Variants in SMPX observed in about 807,000 individuals in gnomAD.
The protein encoded by SMPX is small muscular protein.
A neutral mutation model predicts 6.3 loss-of-function variants in SMPX; 2 were observed. The ratio of observed to expected loss-of-function variants is 0.32; its 90% CI spans 0.13 to 0.99. The LOEUF (loss-of-function observed/expected upper bound fraction) is 0.99. Among genes scored for constraint, SMPX ranks in the 50% least tolerant of loss-of-function variants. The pLI, the probability that SMPX is intolerant of heterozygous loss-of-function variation, is 0.49. For synonymous variants in SMPX, 32 were observed against 24.7 expected (o/e 1.30, Z -0.88); for missense variants, 60 against 66.8 (o/e 0.90, Z 0.36).
At chrX:21,735,188 C>T (rs1055929601) in intron 4 of SMPX, among the ~76,000 whole-genome samples, 1 of 111,998 alleles carries the variant, frequency 8.9e-6, no homozygotes. Context: ...AAGAAATGTT[C>T]TCCTTCTGCG....
intron 4 of SMPX, among the ~76,000 whole-genome samples, chrX:21,707,694 G>T (rs1463597025): frequency 8.9e-6 from 1 of 112,445 alleles, no homozygotes; most frequent in Non-Finnish European, 1.9e-5. Context: ...GCCTCAAAAG[G>T]TATCACGTTT....
At chrX:21,713,948 A>G (rs1319335386) in intron 4 of SMPX, among the ~76,000 whole-genome samples, 1 of 112,484 alleles carries the variant, frequency 8.9e-6, no homozygotes, top group Admixed American at 9.4e-5. Context: ...TACTTTATAT[A>G]GAGTAAAATG....
At chrX:21,733,098 A>C (rs752192527) in intron 4 of SMPX, among the ~76,000 whole-genome samples, 23 of 111,148 alleles carry the variant, frequency 2.1e-4, no homozygotes, top group Admixed American at 2.9e-4. Context: ...ATAAGGGCAC[A>C]CCTCCCCCAA....
At chrX:21,711,285 G>A (rs2092778439) in intron 4 of SMPX, among the ~76,000 whole-genome samples, 2 of 111,775 alleles carry the variant, frequency 1.8e-5, no homozygotes, top group African/African-American at 6.5e-5. Flanking sequence ...ACTCTGTAAA[G>A]CACTCTTGTT....
At chrX:21,735,900 C>T (rs1478644290) in intron 4 of SMPX, among the ~76,000 whole-genome samples, 1 of 111,337 alleles carries the variant, frequency 9.0e-6, no homozygotes, top group Non-Finnish European at 1.9e-5. Flanking sequence ...GAGTGTGATA[C>T]TCAGTCATCA....
chrX:21,709,252 T>G (rs2147369756), intron 4 of SMPX, among the ~76,000 whole-genome samples: 1 of 111,868 alleles, frequency 8.9e-6, no homozygotes, highest in East Asian at 2.8e-4. Context: ...TATCCTATAT[T>G]CTGAGTTCAC....
chrX:21,721,195 A>G (rs1346492167), intron 4 of SMPX, among the ~76,000 whole-genome samples: 1 of 111,910 alleles, frequency 8.9e-6, no homozygotes, highest in Non-Finnish European at 1.9e-5. Context: ...ATATGACTCT[A>G]TATATTGCTG....
At chrX:21,718,409 A>C (rs2092787704) in intron 4 of SMPX, among the ~76,000 whole-genome samples, 1 of 112,276 alleles carries the variant, frequency 8.9e-6, no homozygotes, top group African/African-American at 3.2e-5. Context: ...GGGGCTCCTC[A>C]CTGAAGCATT....
intron 4 of SMPX, among the ~76,000 whole-genome samples, chrX:21,714,682 C>T (rs1485092984): frequency 8.9e-6 from 1 of 112,112 alleles, no homozygotes; most frequent in Admixed American, 9.4e-5. Flanking sequence ...GTCTTTTTCA[C>T]GATCACTTTC....
At chrX:21,715,310 A>ACGCG (rs747497147) in intron 4 of SMPX, among the ~76,000 whole-genome samples, 2,094 of 87,293 alleles carry the variant, frequency 0.024, 61 homozygotes, top group African/African-American at 0.092. Flanking sequence ...GTGTGCGCGC[A>ACGCG]CGCGCGCGCG....
At chrX:21,740,266 A>G (rs1475032252) in intron 3 of SMPX, among the ~76,000 whole-genome samples, 1 of 112,161 alleles carries the variant, frequency 8.9e-6, no homozygotes, top group Non-Finnish European at 1.9e-5. Context: ...AGGGTTCCAG[A>G]TGGCCCCATT....
At chrX:21,715,884 T>G (rs1448643225) in intron 4 of SMPX, among the ~76,000 whole-genome samples, 3 of 110,694 alleles carry the variant, frequency 2.7e-5, no homozygotes, top group African/African-American at 9.9e-5. Context: ...AGTAACAGAG[T>G]TGCCTGGCCC....
chrX:21,712,706 G>C (rs942642162), intron 4 of SMPX, among the ~76,000 whole-genome samples: 13 of 111,923 alleles, frequency 1.2e-4, no homozygotes, highest in Non-Finnish European at 2.3e-4. Context: ...TCCCTACCAA[G>C]GCAGAGTTCA....
At chrX:21,718,609 T>G (rs756719989) in intron 4 of SMPX, among the ~76,000 whole-genome samples, 1 of 112,461 alleles carries the variant, frequency 8.9e-6, no homozygotes, top group South Asian at 3.7e-4. Flanking sequence ...AATTTGAGCT[T>G]AAATAAAGCA....
intron 2 of SMPX, among the ~76,000 whole-genome samples, chrX:21,744,483 T>G (rs1362313197): frequency 8.9e-6 from 1 of 111,909 alleles, no homozygotes; most frequent in East Asian, 2.8e-4. Context: ...AATACTAATC[T>G]CCATCAGTGG....
chrX:21,745,478 C>T (rs1253673924), intron 2 of SMPX, among the ~76,000 whole-genome samples: 1 of 111,773 alleles, frequency 8.9e-6, no homozygotes, highest in African/African-American at 3.3e-5. Flanking sequence ...TTAGTTGGCA[C>T]ATTTGCTTTA....
intron 4 of SMPX, among the ~76,000 whole-genome samples, chrX:21,713,584 C>T (rs1308186627): frequency 1.8e-5 from 2 of 111,410 alleles, no homozygotes; most frequent in African/African-American, 6.5e-5. Flanking sequence ...GGGGAACTCC[C>T]CTTTATCAAA....
chrX:21,708,372 A>T (rs1375483571), intron 4 of SMPX, among the ~76,000 whole-genome samples: 1 of 112,512 alleles, frequency 8.9e-6, no homozygotes, highest in African/African-American at 3.2e-5. Flanking sequence ...AGTATATAGC[A>T]GAGATCTCTC....
In SMPX at chrX:21,743,790, T is replaced by A. The variant is rs761534067; in HGVS notation, c.92A>T (p.Gln31Leu). 1 of 1,210,434 alleles carries A rather than the reference T, an allele frequency of 8.3e-7. No homozygotes were observed. Among genetic ancestry groups the A allele is most frequent in the South Asian group, 1.8e-5 (1 of 56,931 alleles). ...AGTACATTCTTTTCTTCTGGGGGGT[T>A]GACCTGCTCCTGGCCGAAAGGCTCC... ...PMGAFRPGAG[Q>L]PPRRKECTPE... is the part of the protein sequence containing the mutation. The change falls in exon 3 of 5, where the codon CAA (glutamine) becomes CTA (leucine). Residue 31 changes from glutamine to leucine, a missense_variant. Physicochemically the swap from Gln to Leu is moderately radical, Grantham distance 113 (BLOSUM62 -2). Transcript: ENST00000379494.
Sources: allele counts gnomAD v4.1 joint callset (sites outside exome capture counted in the v4.1 genomes callset), GRCh38; gene constraint gnomAD v4.1.1; transcripts MANE v1.5; gene names NCBI Gene and HGNC (gene_info 2026-07-23, HGNC 2026-07-21).